Variants in TMCO4 observed in about 807,000 individuals in gnomAD.
TMCO4 encodes transmembrane and coiled-coil domain-containing protein 4.
Under a neutral mutation model 64.7 loss-of-function variants are expected in TMCO4, and 58 were observed. The ratio of observed to expected loss-of-function variants is 0.90; its 90% CI spans 0.73 to 1.12. TMCO4 has a LOEUF of 1.12. Ranked by LOEUF, TMCO4 falls within the 50% of genes most tolerant of loss-of-function variation. TMCO4 has a pLI of 0.00. For missense variants in TMCO4, 780 were observed against 825.9 expected, an observed-to-expected ratio of 0.94 and a Z score of 0.68; for synonymous variants, 325 against 346.1, an observed-to-expected ratio of 0.94 and a Z score of 0.68.
chr1:19,786,605 AG>A (rs899478620), intron 3 of TMCO4, among the ~76,000 whole-genome samples: 3 of 152,238 alleles, frequency 2.0e-5, no homozygotes, highest in Non-Finnish European at 4.4e-5. Context: ...GGGCTGCCCC[AG>A]GCAGGGCCAA....
At position 19,737,412 on chromosome 1, in the gene TMCO4, T is replaced by A; in HGVS notation, c.1224A>T (p.Arg408Ser). 4 of 1,613,950 alleles carry A rather than the reference T, an allele frequency of 2.5e-6. No individual in the cohort carries two copies. In the South Asian group the frequency reaches 4.4e-5, roughly 18 times the overall value. ...TCTCCTGCAGACAGAAGTAGATGAC[T>A]CTGGCTCCCAGGCTGAAGCCAATCA... ...VTLIGFSLGA[R>S]VIYFCLQEMA... Residue 408 changes from arginine (R) to serine (S), a missense_variant, in exon 13 of 16, where the codon AGA becomes AGT. By Grantham distance (110) the Arg-to-Ser change is moderately radical. Coordinates refer to ENST00000294543, the MANE Select transcript of TMCO4 (RefSeq NM_181719.7).
At position 19,734,963 on chromosome 1, in the gene TMCO4, T is replaced by C. The variant is rs3850533; in HGVS notation, c.1264+2409A>G. Among the ~76,000 whole-genome samples, 49,539 of 151,996 alleles carry C rather than the reference T, an allele frequency of 0.33. 9,320 individuals are homozygous for C. Among genetic ancestry groups the C allele is most frequent in the African/African-American group, 0.53 (21,939 of 41,422 alleles). On this transcript the variant is annotated intron_variant, in intron 13 of 15. Coordinates refer to ENST00000294543, the MANE Select transcript of TMCO4 (RefSeq NM_181719.7). This position sits in a 1 kb window ranked among gnomAD's most constrained non-coding sequence, Gnocchi z 4.4. ...CACCCGGTGGATCTGCACTAGCTCG[T>C]GGGCACAGCAGCATGTGCCTGATTC...
chr1:19,756,696 G>A (rs1450076535), intron 6 of TMCO4, among the ~76,000 whole-genome samples: 3 of 152,064 alleles, frequency 2.0e-5, no homozygotes, highest in African/African-American at 7.2e-5. Context: ...AAGAATTTAT[G>A]GCTAAGATAA....
chr1:19,696,220 T>C (rs1371971634), intron 14 of TMCO4, among the ~76,000 whole-genome samples: 1 of 152,152 alleles, frequency 6.6e-6, no homozygotes, highest in Non-Finnish European at 1.5e-5. Flanking sequence ...GTACCGATGA[T>C]TATCCTAATA....
chr1:19,784,931 A>G, intron 3 of TMCO4, among the ~76,000 whole-genome samples: 1 of 152,014 alleles, frequency 6.6e-6, no homozygotes, highest in African/African-American at 2.4e-5. Flanking sequence ...GGCCGCATTC[A>G]AAGCTGTCCT....
rs565496377 is a variant in TMCO4, at chr1:19,795,825, T to C, written c.-101+2312A>G. 4.6e-5 allele frequency among the ~76,000 whole-genome samples: 7 copies of C among 152,314 alleles called. No individual in the cohort carries two copies. In the South Asian group the frequency reaches 1.4e-3, roughly 32 times the overall value. On this transcript the variant is annotated intron_variant, in intron 2 of 15. Coordinates refer to ENST00000294543, the MANE Select transcript of TMCO4 (RefSeq NM_181719.7). The stretch of plus-strand genomic sequence containing the variant: ...CAACACAATTTGAAAACCAGCAAAT[T>C]GGATGAATCTGACCAGCTCCCATCT...
intron 13 of TMCO4, among the ~76,000 whole-genome samples, chr1:19,705,624 C>T (rs1347135856): frequency 1.3e-5 from 2 of 151,776 alleles, no homozygotes; most frequent in Admixed American, 6.6e-5. Flanking sequence ...ATGTGGCCAG[C>T]AGGCCACTGG....
intron 3 of TMCO4, among the ~76,000 whole-genome samples, chr1:19,785,690 A>C (rs952417731): frequency 3.3e-5 from 5 of 152,252 alleles, no homozygotes; most frequent in Non-Finnish European, 7.3e-5. Flanking sequence ...GCTAATAAGC[A>C]GTAGAACCGA....
At chr1:19,711,434 T>C (rs1456004444) in intron 13 of TMCO4, among the ~76,000 whole-genome samples, 3 of 152,210 alleles carry the variant, frequency 2.0e-5, no homozygotes, top group Admixed American at 1.3e-4. Flanking sequence ...TGATTTAAAG[T>C]GAGAAATGTG....
Position 19,732,796 on chromosome 1 carries a change from A to ATTCC in TMCO4, c.1264+4575_1264+4576insGGAA. On this transcript the variant is annotated intron_variant, in intron 13 of 15. Coordinates refer to ENST00000294543, the MANE Select transcript of TMCO4 (RefSeq NM_181719.7). The surrounding 1 kb of genome is among the most constrained non-coding windows in gnomAD (Gnocchi z 4.8). ...TTTTCTGAAGGTGACTACAGGGGGA[A>ATTCC]AATGCCAGCTGCACTTTTGTCCACC... is the stretch of plus-strand genomic sequence containing the variant. 6.6e-6 allele frequency among the ~76,000 whole-genome samples: 1 copy of ATTCC among 152,126 alleles called. No individual in the cohort carries two copies. The highest frequency in any genetic ancestry group is 1.5e-5 in the Non-Finnish European group (1 of 68,018).
At chr1:19,716,176 T>TATTATTATG in intron 13 of TMCO4, among the ~76,000 whole-genome samples, 1 of 148,206 alleles carries the variant, frequency 6.7e-6, no homozygotes, top group Non-Finnish European at 1.5e-5. Flanking sequence ...TTATTATTAT[T>TATTATTATG]ATTATTATTA....
intron 3 of TMCO4, among the ~76,000 whole-genome samples, chr1:19,781,526 G>C (rs2043476937): frequency 6.6e-6 from 1 of 150,654 alleles, no homozygotes; most frequent in Admixed American, 6.6e-5. Context: ...TTAGTCATCA[G>C]AGAAATGGAA....
intron 10 of TMCO4, among the ~76,000 whole-genome samples, chr1:19,744,212 T>C (rs966259521): frequency 3.3e-5 from 5 of 152,122 alleles, no homozygotes; most frequent in Non-Finnish European, 7.4e-5. Flanking sequence ...CACTGTTTGT[T>C]GTTTGTTGAG....
intron 13 of TMCO4, among the ~76,000 whole-genome samples, chr1:19,720,739 C>T (rs2095378828): frequency 6.6e-6 from 1 of 152,164 alleles, no homozygotes. Flanking sequence ...TCAGAGTTCA[C>T]ACATGAACAC....
At chr1:19,688,219 T>A (rs1184037802) in intron 15 of TMCO4, among the ~76,000 whole-genome samples, 1 of 152,138 alleles carries the variant, frequency 6.6e-6, no homozygotes, top group Admixed American at 6.5e-5. Flanking sequence ...CACATGCTCA[T>A]GAGGTTGCGT....
At chr1:19,692,984 C>G (rs1259518398) in intron 15 of TMCO4, among the ~76,000 whole-genome samples, 1 of 149,078 alleles carries the variant, frequency 6.7e-6, no homozygotes, top group East Asian at 2.0e-4. Context: ...CCAGCCTGGG[C>G]AACATGGTGA....
Position 19,732,396 on chromosome 1 carries a change from G to A in TMCO4, c.1264+4976C>T, listed in dbSNP as rs534191954. On this transcript the variant is annotated intron_variant, in intron 13 of 15. Coordinates refer to ENST00000294543, the MANE Select transcript of TMCO4 (RefSeq NM_181719.7). This position sits in a 1 kb window ranked among gnomAD's most constrained non-coding sequence, Gnocchi z 4.8. ...GCCCAGGCTGGTCTTGAACTCCTGGGCTCAAGCAATCCTCCCACCTCAGCC... is the reference window on the plus strand; with the variant it reads ...GCCCAGGCTGGTCTTGAACTCCTGGACTCAAGCAATCCTCCCACCTCAGCC... Among the ~76,000 whole-genome samples the A allele has an allele frequency of 1.8e-4, 28 of 152,070 alleles. No homozygotes were observed. The highest frequency in any genetic ancestry group is 6.7e-4 in the African/African-American group (28 of 41,498).
chr1:19,706,117 T>G (rs1447448871), intron 13 of TMCO4, among the ~76,000 whole-genome samples: 1 of 152,192 alleles, frequency 6.6e-6, no homozygotes, highest in Non-Finnish European at 1.5e-5. Flanking sequence ...TTGCCCAGGC[T>G]GGTCTCAAAC....
intron 2 of TMCO4, among the ~76,000 whole-genome samples, chr1:19,792,461 A>G (rs74058648): frequency 0.03 from 4,521 of 152,314 alleles, 228 homozygotes; most frequent in African/African-American, 0.1. Flanking sequence ...GAGACATTCC[A>G]TAAATATCTG....
Sources: allele counts gnomAD v4.1 joint callset (sites outside exome capture counted in the v4.1 genomes callset), GRCh38; gene constraint gnomAD v4.1.1; non-coding constraint Gnocchi (gnomAD v3.1); transcripts MANE v1.5; gene names NCBI Gene and HGNC (gene_info 2026-07-23, HGNC 2026-07-21).